Variants in REG3G observed in about 807,000 individuals in gnomAD.
The protein encoded by REG3G is regenerating islet-derived protein 3-gamma.
In REG3G, 19 loss-of-function variants were observed where a neutral mutation model predicts 20.9. That is an observed-to-expected ratio of 0.91 (90% confidence interval 0.64 to 1.34). REG3G has a LOEUF of 1.34. REG3G is among the 40% of genes most tolerant of loss of function. REG3G has a pLI of 0.00. For synonymous variants in REG3G, 89 were observed against 77.4 expected (o/e 1.15, Z -0.79); for missense variants, 235 against 205.0 (o/e 1.15, Z -0.89).
intron 1 of REG3G, 44 bp downstream of exon 1, chr2:79,025,817 C>CGTA: frequency 2.6e-6 from 1 of 379,590 alleles, no homozygotes; most frequent in Non-Finnish European, 4.8e-6. Context: ...GAAGGGCAAC[C>CGTA]TCACATAATA....
Position 79,026,761 on chromosome 2 carries a change from A to C in REG3G, c.125A>C (p.Lys42Thr). Residue 42 changes from lysine (K) to threonine (T), a missense_variant, in exon 3 of 6, where the codon AAA becomes ACA. Transcript: ENST00000272324. ...ELPSPRISCP[K>T]GSKAYGSPCY... ...CCCTCTCCACGGATCAGCTGTCCCA[A>C]AGGCTCCAAGGCCTATGGCTCCCCC... 2 of 1,613,836 alleles carry C rather than the reference A, an allele frequency of 1.2e-6. No homozygotes were observed. The highest frequency in any genetic ancestry group is 1.7e-6 in the Non-Finnish European group (2 of 1,179,918).
At chr2:79,026,969 A>G in intron 3 of REG3G, 65 bp from the exon 4 acceptor site, 1 of 1,601,230 alleles carries the variant, frequency 6.2e-7, no homozygotes, top group Non-Finnish European at 8.5e-7. Context: ...CCTCCCACCT[A>G]CCTTTTCCCT....
intron 5 of REG3G, 53 bp downstream of exon 5, chr2:79,027,986 A>G (rs557541782): frequency 6.2e-7 from 1 of 1,608,868 alleles, no homozygotes; most frequent in Non-Finnish European, 8.5e-7. Flanking sequence ...CTCATCCCCA[A>G]TTTCCTGACC....
intron 4 of REG3G, 161 bp downstream of exon 4, chr2:79,027,332 G>A (rs1671651012): frequency 1.4e-6 from 1 of 718,146 alleles, no homozygotes; most frequent in Non-Finnish European, 2.3e-6. Context: ...GGCAGCTGAA[G>A]AGCTGAATTC....
chr2:79,025,997 A>G lies in REG3G; in HGVS notation c.-97A>G. 8.5e-7 allele frequency: 1 copy of G among 1,176,360 alleles called. No homozygotes were observed. The highest frequency in any genetic ancestry group is 1.3e-6 in the Non-Finnish European group (1 of 795,396). The allele number at this position is 1,176,360 out of a possible 1,614,324, so 72.9% of individuals were successfully genotyped here. A position where few individuals can be genotyped will look rare whatever the true frequency, so the allele number is the denominator to read the frequency against. On this transcript the variant is annotated 5_prime_UTR_variant, in exon 2 of 6. Coordinates refer to ENST00000272324, the MANE Select transcript of REG3G (RefSeq NM_001008387.3). ...GATCACTTCAGTCCTAGGGGACTAC[A>G]GAAGGAAAAAGACAAGAGGCAGTAG...
Position 79,026,826 on chromosome 2 carries a change from G to T in REG3G, c.190G>T (p.Ala64Ser). The change falls in exon 3 of 6, where the codon GCA becomes TCA. Residue 64 changes from alanine to serine, a missense_variant. By Grantham distance (99) the Ala-to-Ser change is moderately conservative. Transcript: ENST00000272324. ...TTTGTCACCAAAATCCTGGATGGAT[G>T]CAGATGTGAGTGGTTAGATGTGGGG... The part of the protein sequence containing the change: ...LFLSPKSWMD[A>S]DLACQKRPSG... 6 of 1,610,414 alleles carry T rather than the reference G, an allele frequency of 3.7e-6. No individual in the cohort carries two copies. Among genetic ancestry groups the T allele is most frequent in the Non-Finnish European group, 5.1e-6 (6 of 1,178,986 alleles).
chr2:79,026,782 C>G lies in REG3G; in HGVS notation c.146C>G (p.Ser49Cys), dbSNP rs1171283900. The G allele has an allele frequency of 1.2e-6, 2 of 1,613,564 alleles. No homozygotes were observed. The highest frequency in any genetic ancestry group is 2.7e-5 in the African/African-American group (2 of 74,764). Residue 49 changes from serine to cysteine, a missense_variant, in exon 3 of 6, where the codon TCC becomes TGC. Physicochemically the swap from Ser to Cys is moderately radical, Grantham distance 112. Coordinates refer to ENST00000272324, the MANE Select transcript of REG3G (RefSeq NM_001008387.3). Reference protein sequence around the residue: ...SCPKGSKAYGSPCYALFLSPK... With the variant: ...SCPKGSKAYGCPCYALFLSPK... ...CCCAAAGGCTCCAAGGCCTATGGCTCCCCCTGCTATGCCTTGTTTTTGTCA... is the reference window on the plus strand; with the variant it reads ...CCCAAAGGCTCCAAGGCCTATGGCTGCCCCTGCTATGCCTTGTTTTTGTCA...
At chr2:79,026,594 A>G in intron 2 of REG3G, 119 bp from the exon 3 acceptor site, 1 of 794,430 alleles carries the variant, frequency 1.3e-6, no homozygotes, top group Non-Finnish European at 2.1e-6. Context: ...ACAAGGGAAG[A>G]TGAAGAGCTG....
In REG3G at chr2:79,028,199, G is replaced by A; in HGVS notation, c.461-10G>A. ...CCCAGCCCCATGCCTTTTATATTCT[G>A]TCTCCCTAGGATTTCTGAAGTGGAA... is the stretch of plus-strand genomic sequence containing the variant. On this transcript the variant is annotated splice_polypyrimidine_tract_variant and intron_variant, in intron 5 of 5. Coordinates refer to ENST00000272324, the MANE Select transcript of REG3G (RefSeq NM_001008387.3). The A allele has an allele frequency of 6.3e-7, 1 of 1,599,554 alleles. No individual in the cohort carries two copies. Among genetic ancestry groups the A allele is most frequent in the Non-Finnish European group, 8.6e-7 (1 of 1,167,032 alleles).
intron 2 of REG3G, 21 bp downstream of exon 2, chr2:79,026,190 G>A (rs766265076): frequency 1.9e-6 from 3 of 1,612,412 alleles, no homozygotes; most frequent in South Asian, 2.2e-5. Flanking sequence ...TCTGCCTCTA[G>A]CACTGGGTTC....
intron 4 of REG3G, 46 bp downstream of exon 4, chr2:79,027,217 G>A: frequency 6.2e-7 from 1 of 1,602,054 alleles, no homozygotes; most frequent in Non-Finnish European, 8.5e-7. Flanking sequence ...AGGTACTGTT[G>A]TTGCCCAGGC....
At chr2:79,028,004 A>C (rs1420873818) in intron 5 of REG3G, 71 bp downstream of exon 5, 2 of 1,593,256 alleles carry the variant, frequency 1.3e-6, no homozygotes, top group African/African-American at 2.7e-5. Context: ...ACCTTCAGGA[A>C]ATCCTTTTCA....
At chr2:79,027,415 C>T (rs1463469689) in intron 4 of REG3G, among the ~76,000 whole-genome samples, 1 of 152,150 alleles carries the variant, frequency 6.6e-6, no homozygotes, top group Non-Finnish European at 1.5e-5. Flanking sequence ...TCAAGGGAAT[C>T]CTTACAAATC....
At chr2:79,025,869 G>C (rs1671604513) in intron 1 of REG3G, 96 bp downstream of exon 1, 2 of 532,022 alleles carry the variant, frequency 3.8e-6, no homozygotes, top group African/African-American at 3.8e-5. Flanking sequence ...GGGAGCACAG[G>C]AGCTCTGAGA....
chr2:79,028,091 T>C lies in REG3G; in HGVS notation c.461-118T>C, dbSNP rs542321457. On this transcript the variant is annotated intron_variant, in intron 5 of 5. Coordinates refer to ENST00000272324, the MANE Select transcript of REG3G (RefSeq NM_001008387.3). Reference sequence around the variant, plus strand: ...CTTCTTTGAGTCTCATTCTCCTGGATTGAGAAACTGGTGAAGATGAGAGAG... The same window carrying C: ...CTTCTTTGAGTCTCATTCTCCTGGACTGAGAAACTGGTGAAGATGAGAGAG... 14 of 1,265,428 alleles carry C rather than the reference T, an allele frequency of 1.1e-5. 1 individual carries two copies. The East Asian group carries it at 1.4e-4, about 13-fold the overall frequency. The allele number at this position is 1,265,428 out of a possible 1,614,324, so 78.4% of individuals were successfully genotyped here.
intron 2 of REG3G, 67 bp downstream of exon 2, chr2:79,026,236 C>A: frequency 6.7e-7 from 1 of 1,503,476 alleles, no homozygotes; most frequent in Non-Finnish European, 9.3e-7. Context: ...AGGAGGAAGG[C>A]TCCTGTGTGT....
chr2:79,028,149 C>A, intron 5 of REG3G, 60 bp from the exon 6 acceptor site: 1 of 1,352,176 alleles, frequency 7.4e-7, no homozygotes, highest in Non-Finnish European at 1.1e-6. Context: ...ACCTGGGATG[C>A]CTCTTCACTG....
chr2:79,028,267 C>T lies in REG3G; in HGVS notation c.519C>T (p.Phe173=). The change falls in exon 6 of 6, where the codon TTC becomes TTT. Residue 173 remains phenylalanine (F), a synonymous_variant. Coordinates refer to ENST00000272324, the MANE Select transcript of REG3G (RefSeq NM_001008387.3). ...CDAKLPYVCK[F]KD ...CAAAGTTACCCTATGTCTGCAAGTT[C>T]AAGGACTAGGGCAGGTGGGAAGTCA... is the stretch of plus-strand genomic sequence containing the variant. 6.2e-7 allele frequency: 1 copy of T among 1,611,690 alleles called. No homozygotes were observed. The highest frequency in any genetic ancestry group is 8.5e-7 in the Non-Finnish European group (1 of 1,177,900).
chr2:79,026,930 A>G, intron 3 of REG3G, 99 bp downstream of exon 3: 2 of 1,459,846 alleles, frequency 1.4e-6, no homozygotes, highest in East Asian at 4.7e-5. Context: ...GGGAATGAGG[A>G]TGAACACGCT....
Sources: allele counts gnomAD v4.1 joint callset (sites outside exome capture counted in the v4.1 genomes callset), GRCh38; gene constraint gnomAD v4.1.1; transcripts MANE v1.5; gene names NCBI Gene and HGNC (gene_info 2026-07-23, HGNC 2026-07-21).